Variants in RIN3 observed in about 807,000 individuals in gnomAD.
RIN3 encodes the protein Ras and Rab interactor 3, also known as RAB5 interacting protein 3.
RIN3 carries 54 observed loss-of-function variants against 76.3 expected under a neutral mutation model. That is an observed-to-expected ratio of 0.71 (90% CI 0.57 to 0.89). RIN3 has a LOEUF of 0.89. RIN3 is among the 40% of genes least tolerant of loss of function. The pLI, the probability that RIN3 is intolerant of heterozygous loss-of-function variation, is 0.00. For missense variants in RIN3, 1,256 were observed against 1,322.1 expected, an observed-to-expected ratio of 0.95 and a Z score of 0.78; for synonymous variants, 576 against 564.0, an observed-to-expected ratio of 1.02 and a Z score of -0.30.
At chr14:92,621,857 C>T (rs534795376) in intron 4 of RIN3, among the ~76,000 whole-genome samples, 11 of 152,272 alleles carry the variant, frequency 7.2e-5, no homozygotes, top group East Asian at 3.9e-4. Context: ...TCCAGTAGCT[C>T]GGAACCTTAG....
chr14:92,566,872 A>T (rs1449784568), intron 2 of RIN3, among the ~76,000 whole-genome samples: 2 of 151,954 alleles, frequency 1.3e-5, no homozygotes. Flanking sequence ...CTATTTTCTC[A>T]TCTGCATGGA....
intron 1 of RIN3, among the ~76,000 whole-genome samples, chr14:92,547,832 T>C (rs1897323970): frequency 6.6e-6 from 1 of 152,194 alleles, no homozygotes; most frequent in East Asian, 1.9e-4. Context: ...GCCTTCCAAG[T>C]AGCTGGGATT....
At position 92,623,536 on chromosome 14, in the gene RIN3, G is replaced by A. The variant is rs1356770439; in HGVS notation, c.440+8057G>A. 2.0e-5 allele frequency among the ~76,000 whole-genome samples: 3 copies of A among 152,176 alleles called. No individual in the cohort carries two copies. The highest frequency in any genetic ancestry group is 7.2e-5 in the African/African-American group (3 of 41,434). On this transcript the variant is annotated intron_variant, in intron 4 of 9. Transcript: ENST00000216487. This position sits in a 1 kb window ranked among gnomAD's most constrained non-coding sequence, Gnocchi z 4.9. ...TGAATCTATCAGGTACCCCCTGTGGGACTCCAATTTCATCTACATAGACAT... is the reference window on the plus strand; with the variant it reads ...TGAATCTATCAGGTACCCCCTGTGGAACTCCAATTTCATCTACATAGACAT...
chr14:92,670,743 G>A (rs1350415630), intron 7 of RIN3, among the ~76,000 whole-genome samples: 2 of 152,180 alleles, frequency 1.3e-5, no homozygotes, highest in African/African-American at 2.4e-5. Context: ...GTGGTTGGGC[G>A]TGATAAACTA....
At chr14:92,535,334 CTTTTT>C (rs5810602) in intron 1 of RIN3, among the ~76,000 whole-genome samples, 5 of 130,014 alleles carry the variant, frequency 3.8e-5, no homozygotes, top group Non-Finnish European at 3.2e-5. Flanking sequence ...TTCTTTCTTT[CTTTTT>C]TTTTTTTTTT....
At chr14:92,563,837 T>C (rs1897846285) in intron 2 of RIN3, among the ~76,000 whole-genome samples, 1 of 152,264 alleles carries the variant, frequency 6.6e-6, no homozygotes, top group Admixed American at 6.5e-5. Context: ...AATATGTCCC[T>C]TTATTCCATT....
intron 1 of RIN3, among the ~76,000 whole-genome samples, chr14:92,523,647 T>G (rs1896653601): frequency 6.6e-6 from 1 of 150,704 alleles, no homozygotes; most frequent in African/African-American, 2.5e-5. Flanking sequence ...TTTCAAGGAC[T>G]AGATTGCAAA....
intron 4 of RIN3, among the ~76,000 whole-genome samples, chr14:92,630,021 C>T (rs1412909711): frequency 6.6e-6 from 1 of 152,222 alleles, no homozygotes; most frequent in Non-Finnish European, 1.5e-5. Context: ...TGGAAGAAGC[C>T]TAACAGTGTT....
intron 1 of RIN3, among the ~76,000 whole-genome samples, chr14:92,545,725 G>T (rs1897246655): frequency 1.3e-5 from 2 of 151,760 alleles, no homozygotes; most frequent in South Asian, 4.2e-4. Flanking sequence ...GGGACTACAG[G>T]CATGCAGCAC....
At chr14:92,522,515 G>A (rs1896628469) in intron 1 of RIN3, among the ~76,000 whole-genome samples, 2 of 152,162 alleles carry the variant, frequency 1.3e-5, no homozygotes, top group Admixed American at 6.5e-5. Flanking sequence ...TGTGTGCTGT[G>A]TTGTGGACCT....
chr14:92,589,157 G>T (rs1183992818), intron 3 of RIN3, among the ~76,000 whole-genome samples: 3 of 152,048 alleles, frequency 2.0e-5, no homozygotes, highest in Non-Finnish European at 4.4e-5. Flanking sequence ...ACAGTGCAAA[G>T]CCCCCTGGAA....
At chr14:92,515,349 G>C (rs1346262963) in intron 1 of RIN3, 5 of 674,306 alleles carry the variant, frequency 7.4e-6, no homozygotes, top group African/African-American at 5.3e-5. Context: ...GGGAGGAAGG[G>C]GAGGTGAGGG....
intron 3 of RIN3, among the ~76,000 whole-genome samples, chr14:92,608,989 T>C (rs1885625720): frequency 6.6e-6 from 1 of 152,210 alleles, no homozygotes; most frequent in South Asian, 2.1e-4. Context: ...ACCTATCACC[T>C]GAGCAGTGTA....
intron 7 of RIN3, among the ~76,000 whole-genome samples, chr14:92,675,651 T>C (rs1371191030): frequency 6.6e-6 from 1 of 152,152 alleles, no homozygotes; most frequent in Non-Finnish European, 1.5e-5. Flanking sequence ...ACTTGCAGAG[T>C]CTGGCTAGAA....
chr14:92,571,998 T>G (rs1046975454), intron 2 of RIN3, among the ~76,000 whole-genome samples: 1 of 152,172 alleles, frequency 6.6e-6, no homozygotes, highest in Admixed American at 6.5e-5. Context: ...GAGGCAAGTT[T>G]TAGAGCAGGA....
In RIN3 at chr14:92,685,197, A is replaced by C. The variant is rs769714536; in HGVS notation, c.2631+47A>C. The C allele has an allele frequency of 6.5e-7, 1 of 1,527,570 alleles. No homozygotes were observed. Among genetic ancestry groups the C allele is most frequent in the South Asian group, 1.2e-5 (1 of 85,200 alleles). 94.6% of individuals were successfully genotyped at this position (1,527,570 alleles called of 1,614,324 possible). ...GGCCCGGTGGGGCCATGTCCCAGAC[A>C]CCATCCCTGCTGCCTGCTGGCTAAG... On this transcript the variant is annotated intron_variant, in intron 9 of 9. Transcript: ENST00000216487. This position sits in a 1 kb window ranked among gnomAD's most constrained non-coding sequence, Gnocchi z 4.7.
intron 1 of RIN3, among the ~76,000 whole-genome samples, chr14:92,523,403 T>TGC (rs1262201507): frequency 3.3e-5 from 5 of 152,200 alleles, no homozygotes; most frequent in African/African-American, 1.2e-4. Flanking sequence ...TGAGCCACCG[T>TGC]GCCTAGCCAT....
intron 1 of RIN3, among the ~76,000 whole-genome samples, chr14:92,543,256 T>A (rs1463541476): frequency 6.8e-6 from 1 of 146,808 alleles, no homozygotes; most frequent in Non-Finnish European, 1.5e-5. Context: ...AGAGGCTTTA[T>A]GGGGGGTGGG....
intron 2 of RIN3, among the ~76,000 whole-genome samples, chr14:92,561,088 T>G (rs1897758604): frequency 7.7e-6 from 1 of 129,378 alleles, no homozygotes; most frequent in Non-Finnish European, 1.6e-5. Context: ...TATATATATA[T>G]CTGCCATATA....
Sources: gnomAD v4.1 joint callset for allele counts (sites outside exome capture counted in the v4.1 genomes callset) on GRCh38, gnomAD v4.1.1 for gene constraint, Gnocchi (gnomAD v3.1) non-coding constraint, MANE v1.5 for transcripts, NCBI Gene and HGNC (gene_info 2026-07-23, HGNC 2026-07-21) for gene names.